Variants in EYS observed in about 807,000 individuals in gnomAD.
EYS encodes the protein EGF-like photoreceptor maintenance factor, also known as protein eyes shut homolog.
Under a neutral mutation model 282.1 loss-of-function variants are expected in EYS, and 250 were observed. That is an observed-to-expected ratio of 0.89 (90% CI 0.80 to 0.98). EYS has a LOEUF of 0.98. Among genes scored for constraint, EYS ranks in the 50% least tolerant of loss-of-function variants. The pLI, the probability that EYS is intolerant of heterozygous loss-of-function variation, is 0.00. For missense variants in EYS, 4,016 were observed against 3,709.0 expected (o/e 1.08, Z -2.15); for synonymous variants, 1,355 against 1,282.9 (o/e 1.06, Z -1.20).
intron 12 of EYS, among the ~76,000 whole-genome samples, chr6:65,214,508 A>C (rs1227078007): frequency 6.6e-6 from 1 of 152,196 alleles, no homozygotes; most frequent in African/African-American, 2.4e-5. Flanking sequence ...GTTGGATCTT[A>C]AGGTTTAAGG....
intron 2 of EYS, among the ~76,000 whole-genome samples, chr6:65,580,989 C>A (rs1424771075): frequency 6.6e-6 from 1 of 152,006 alleles, no homozygotes; most frequent in Admixed American, 6.6e-5. Context: ...ATATTTTAAT[C>A]TATTCAATTG....
chr6:65,335,875 C>T (rs1161930134), intron 10 of EYS, among the ~76,000 whole-genome samples: 1 of 151,690 alleles, frequency 6.6e-6, no homozygotes, highest in Admixed American at 6.6e-5. Context: ...TGTTGAATTG[C>T]GATTCTGACT....
intron 22 of EYS, among the ~76,000 whole-genome samples, chr6:64,717,614 G>C (rs1042594287): frequency 3.3e-5 from 5 of 152,098 alleles, no homozygotes; most frequent in Admixed American, 3.3e-4. Flanking sequence ...GCCACGAACT[G>C]GTACCTAAGA....
chr6:64,067,765 A>G (rs573643233), intron 32 of EYS, among the ~76,000 whole-genome samples: 2 of 152,174 alleles, frequency 1.3e-5, no homozygotes, highest in African/African-American at 4.8e-5. Context: ...TATCCCTTGC[A>G]AATAATGAGG....
intron 2 of EYS, among the ~76,000 whole-genome samples, chr6:65,566,297 C>G (rs1013125872): frequency 6.6e-6 from 1 of 151,988 alleles, no homozygotes. Context: ...CACCAAGTGG[C>G]GCACTCAGCT....
At chr6:64,430,723 TTGTCATGAAGTGTCTCCA>T (rs1169569733) in intron 28 of EYS, among the ~76,000 whole-genome samples, 1 of 152,158 alleles carries the variant, frequency 6.6e-6, no homozygotes, top group Non-Finnish European at 1.5e-5. Flanking sequence ...CCAGCTTCCC[TTGTCATGAAGTGTCTCCA>T]TGTGACTAAT....
At chr6:63,840,992 G>C (rs1485419647) in intron 36 of EYS, among the ~76,000 whole-genome samples, 2 of 152,052 alleles carry the variant, frequency 1.3e-5, no homozygotes, top group Admixed American at 6.6e-5. Context: ...GATTGCCTTG[G>C]CTATTCAAAG....
intron 40 of EYS, among the ~76,000 whole-genome samples, chr6:63,770,276 C>T (rs1311049428): frequency 6.6e-6 from 1 of 152,018 alleles, no homozygotes; most frequent in Non-Finnish European, 1.5e-5. Flanking sequence ...CCTACTTTTT[C>T]AGCTTACCTA....
chr6:64,698,601 T>A (rs1302272032), intron 22 of EYS, among the ~76,000 whole-genome samples: 5 of 152,126 alleles, frequency 3.3e-5, no homozygotes, highest in African/African-American at 1.2e-4. Context: ...AAAGGTCTAA[T>A]ATGGACCGTC....
At chr6:63,814,267 G>A (rs574461549) in intron 36 of EYS, among the ~76,000 whole-genome samples, 3 of 152,186 alleles carry the variant, frequency 2.0e-5, no homozygotes, top group Non-Finnish European at 4.4e-5. Flanking sequence ...CGGAGATATC[G>A]CCAACAGTTA....
intron 12 of EYS, among the ~76,000 whole-genome samples, chr6:65,195,088 T>C (rs1455157238): frequency 6.6e-6 from 1 of 152,056 alleles, no homozygotes; most frequent in Non-Finnish European, 1.5e-5. Flanking sequence ...TATGACTTTA[T>C]GTTAGCTATA....
At chr6:65,245,860 C>A (rs1767166005) in intron 12 of EYS, among the ~76,000 whole-genome samples, 1 of 151,970 alleles carries the variant, frequency 6.6e-6, no homozygotes, top group African/African-American at 2.4e-5. Context: ...GGGGGAAGAT[C>A]TCTCAAAGAG....
chr6:64,998,077 G>T (rs1467856858), intron 13 of EYS, among the ~76,000 whole-genome samples: 4 of 152,090 alleles, frequency 2.6e-5, no homozygotes, highest in Admixed American at 6.6e-5. Flanking sequence ...GTTGTTTTAG[G>T]TTTAATAAAC....
At chr6:65,410,937 G>T (rs1352739194) in intron 5 of EYS, among the ~76,000 whole-genome samples, 1 of 151,840 alleles carries the variant, frequency 6.6e-6, no homozygotes, top group African/African-American at 2.4e-5. Flanking sequence ...TAAAATAAAT[G>T]AGTTTTATAT....
At position 64,776,214 on chromosome 6, in the gene EYS, A is replaced by T. The variant is rs9452839; in HGVS notation, c.3443+37164T>A. Among the ~76,000 whole-genome samples, 401 of 152,210 alleles carry T rather than the reference A, an allele frequency of 2.6e-3. 2 individuals carry two copies. The highest frequency in any genetic ancestry group is 8.1e-3 in the African/African-American group (335 of 41,554). ...TTTTAAGCAAATCTTTTAAAAATTC[A>T]TTGCTTGAGGAGATCGAGCAAACCT... On this transcript the variant is annotated intron_variant, in intron 22 of 42. Coordinates refer to ENST00000503581, the MANE Select transcript of EYS (RefSeq NM_001142800.2).
chr6:64,583,758 G>A (rs529116958), intron 26 of EYS, among the ~76,000 whole-genome samples: 4 of 151,858 alleles, frequency 2.6e-5, no homozygotes, highest in South Asian at 2.1e-4. Context: ...TTGCACCATC[G>A]CACTCCAGCC....
intron 13 of EYS, among the ~76,000 whole-genome samples, chr6:65,040,745 C>T (rs536771502): frequency 4.6e-5 from 7 of 151,496 alleles, no homozygotes; most frequent in Non-Finnish European, 1.5e-5. Flanking sequence ...ATTTGATTAC[C>T]CCCAGGTTGC....
intron 11 of EYS, among the ~76,000 whole-genome samples, chr6:65,301,276 A>G (rs1220345012): frequency 6.6e-6 from 1 of 152,198 alleles, no homozygotes; most frequent in African/African-American, 2.4e-5. Flanking sequence ...CGGGCAGATC[A>G]CGAGGTCAGG....
At chr6:64,037,166 C>A (rs1770162649) in intron 33 of EYS, among the ~76,000 whole-genome samples, 1 of 151,998 alleles carries the variant, frequency 6.6e-6, no homozygotes, top group African/African-American at 2.4e-5. Context: ...TTATATTTTT[C>A]CCAAATCTAA....
Sources: allele counts gnomAD v4.1 joint callset (sites outside exome capture counted in the v4.1 genomes callset), GRCh38; gene constraint gnomAD v4.1.1; transcripts MANE v1.5; gene names NCBI Gene and HGNC (gene_info 2026-07-23, HGNC 2026-07-21).